ASCC3: variants seen among roughly 807,000 people sequenced by gnomAD.
ASCC3 encodes activating signal cointegrator 1 complex subunit 3.
ASCC3 carries 158 observed loss-of-function variants against 256.3 expected under a neutral mutation model. The observed-to-expected ratio is 0.62, with a 90% CI of 0.54 to 0.70. ASCC3 has a LOEUF of 0.70. ASCC3 is among the 30% of genes least tolerant of loss of function. ASCC3 has a pLI of 0.00. For synonymous variants in ASCC3, 948 were observed against 883.4 expected (o/e 1.07, Z -1.30); for missense variants, 2,259 against 2,626.0 (o/e 0.86, Z 3.05).
chr6:100,690,754 A>G (rs1212634502), intron 13 of ASCC3, among the ~76,000 whole-genome samples: 1 of 152,186 alleles, frequency 6.6e-6, no homozygotes, highest in Admixed American at 6.5e-5. Flanking sequence ...AGCCAAGGAA[A>G]GTAATCCACA....
chr6:100,753,235 C>A (rs1377249712), intron 10 of ASCC3, among the ~76,000 whole-genome samples: 1 of 149,600 alleles, frequency 6.7e-6, no homozygotes, highest in Admixed American at 6.7e-5. Flanking sequence ...GAAAAGGTAA[C>A]AATTCTAATT....
At chr6:100,631,866 C>T (rs1774562410) in intron 25 of ASCC3, among the ~76,000 whole-genome samples, 1 of 151,618 alleles carries the variant, frequency 6.6e-6, no homozygotes, top group African/African-American at 2.4e-5. Flanking sequence ...GATCAATAAC[C>T]ACATATTAGA....
chr6:100,829,540 G>A (rs1035964971), intron 4 of ASCC3, among the ~76,000 whole-genome samples: 12 of 152,018 alleles, frequency 7.9e-5, no homozygotes, highest in Non-Finnish European at 1.2e-4. Context: ...CAAGCACCGC[G>A]TGCAGCCCTG....
At chr6:100,558,269 T>C (rs1184366373) in intron 36 of ASCC3, among the ~76,000 whole-genome samples, 1 of 152,104 alleles carries the variant, frequency 6.6e-6, no homozygotes, top group Non-Finnish European at 1.5e-5. Context: ...ATTTTCTATA[T>C]GATTGTGTGC....
At chr6:100,731,134 C>T (rs1166235183) in intron 10 of ASCC3, among the ~76,000 whole-genome samples, 1 of 151,848 alleles carries the variant, frequency 6.6e-6, no homozygotes, top group Non-Finnish European at 1.5e-5. Flanking sequence ...AAGGATAATT[C>T]AAGAAGAAAT....
At chr6:100,755,339 T>C (rs996233059) in intron 10 of ASCC3, among the ~76,000 whole-genome samples, 1 of 151,232 alleles carries the variant, frequency 6.6e-6, no homozygotes, top group African/African-American at 2.4e-5. Flanking sequence ...CTCTATTATA[T>C]ATATATTTTC....
Position 100,679,736 on chromosome 6 carries a change from T to C in ASCC3, c.2168A>G (p.His723Arg), listed in dbSNP as rs746115950. Residue 723 changes from histidine (H) to arginine (R), a missense_variant, in exon 14 of 42, where the codon CAT becomes CGT. This residue lies in a region of ASCC3 where 1,839 missense variants were observed against 2,206.7 expected (regional missense o/e 0.83). Coordinates refer to ENST00000369162, the MANE Select transcript of ASCC3 (RefSeq NM_006828.4). ...TGTTCTTACAGTGGCATTTCGAGCA[T>C]GTACAAACACCATCACCTGAAAAAA... ...KAGHQVMVFV[H>R]ARNATVRTAM... is the part of the protein sequence containing the mutation. 6.2e-7 allele frequency: 1 copy of C among 1,613,680 alleles called. No individual in the cohort carries two copies. Among genetic ancestry groups the C allele is most frequent in the African/African-American group, 1.3e-5 (1 of 75,040 alleles).
rs115557735 is a variant in ASCC3, at chr6:100,679,541, G to A, written c.2286+77C>T. 5.6e-4 allele frequency: 898 copies of A among 1,590,744 alleles called. 4 individuals are homozygous for A. The African/African-American group carries it at 8.1e-3, about 14-fold the overall frequency. The stretch of plus-strand genomic sequence containing the variant: ...AATTAACTTCTTGGAAATTGAGACC[G>A]TGGATCTTTCACATATAAAATACCC... On this transcript the variant is annotated intron_variant, in intron 14 of 41. Coordinates refer to ENST00000369162, the MANE Select transcript of ASCC3 (RefSeq NM_006828.4).
chr6:100,850,874 G>T (rs922442439), intron 3 of ASCC3, among the ~76,000 whole-genome samples: 1 of 152,028 alleles, frequency 6.6e-6, no homozygotes. Flanking sequence ...ATAATTTGGG[G>T]ATTATGGTAC....
chr6:100,516,621 C>A lies in ASCC3; in HGVS notation c.5928-294G>T, dbSNP rs535233707. On this transcript the variant is annotated intron_variant, in intron 38 of 41. Coordinates refer to ENST00000369162, the MANE Select transcript of ASCC3 (RefSeq NM_006828.4). ...AGGCACTAATGTGAAGTAATGCTTC[C>A]ATGTAGATGAAGTACTGATCTGGAC... Among the ~76,000 whole-genome samples the A allele has an allele frequency of 3.3e-5, 5 of 152,138 alleles. No individual in the cohort carries two copies. The East Asian group carries it at 7.7e-4, about 24-fold the overall frequency.
chr6:100,806,879 CTA>C (rs2114368827), intron 4 of ASCC3, among the ~76,000 whole-genome samples: 1 of 151,996 alleles, frequency 6.6e-6, no homozygotes, highest in South Asian at 2.1e-4. Context: ...ATGCCAGGTA[CTA>C]TGATAGGCAT....
intron 33 of ASCC3, among the ~76,000 whole-genome samples, chr6:100,603,746 C>G (rs1010238992): frequency 2.6e-5 from 4 of 151,950 alleles, no homozygotes; most frequent in Non-Finnish European, 4.4e-5. Context: ...TATATCCATT[C>G]ATTTTTCAAA....
At chr6:100,695,930 G>T (rs576328002) in intron 13 of ASCC3, among the ~76,000 whole-genome samples, 2 of 152,162 alleles carry the variant, frequency 1.3e-5, no homozygotes, top group Non-Finnish European at 2.9e-5. Context: ...CCTATGGCAG[G>T]CTACCTTTTA....
intron 24 of ASCC3, among the ~76,000 whole-genome samples, chr6:100,639,192 G>A (rs1774992677): frequency 1.3e-5 from 2 of 152,190 alleles, no homozygotes; most frequent in African/African-American, 4.8e-5. Flanking sequence ...ACACTGAAAT[G>A]ATTACTAACA....
intron 10 of ASCC3, among the ~76,000 whole-genome samples, chr6:100,765,806 C>T (rs1428574709): frequency 1.3e-5 from 2 of 152,146 alleles, no homozygotes; most frequent in African/African-American, 4.8e-5. Flanking sequence ...TATGGGGGCC[C>T]TAGGAAATTA....
intron 8 of ASCC3, among the ~76,000 whole-genome samples, chr6:100,794,577 T>C (rs1012371416): frequency 5.9e-5 from 9 of 152,084 alleles, no homozygotes; most frequent in African/African-American, 1.7e-4. Context: ...ATACACTACA[T>C]TGAGTAACTT....
intron 37 of ASCC3, among the ~76,000 whole-genome samples, chr6:100,532,211 C>T (rs947557629): frequency 1.5e-4 from 23 of 150,948 alleles, no homozygotes; most frequent in African/African-American, 5.3e-4. Flanking sequence ...ATATTTACTT[C>T]AGAAGCAAAG....
intron 36 of ASCC3, among the ~76,000 whole-genome samples, chr6:100,578,247 G>T (rs1169701653): frequency 6.6e-6 from 1 of 152,024 alleles, no homozygotes; most frequent in Non-Finnish European, 1.5e-5. Flanking sequence ...ACAATCTTCT[G>T]CTAATCAATT....
chr6:100,639,564 A>G (rs1775012445), intron 24 of ASCC3, among the ~76,000 whole-genome samples: 1 of 152,244 alleles, frequency 6.6e-6, no homozygotes, highest in Non-Finnish European at 1.5e-5. Flanking sequence ...AGATAAATCC[A>G]GTCATTTGAA....
Sources: allele counts gnomAD v4.1 joint callset (sites outside exome capture counted in the v4.1 genomes callset), GRCh38; gene constraint gnomAD v4.1.1; regional missense constraint gnomAD v4.1.1; transcripts MANE v1.5; gene names NCBI Gene and HGNC (gene_info 2026-07-23, HGNC 2026-07-21).